Variants in HECTD4 observed in about 807,000 individuals in gnomAD.
HECTD4 encodes HECT domain E3 ubiquitin protein ligase 4.
Under a neutral mutation model 471.5 loss-of-function variants are expected in HECTD4, and 114 were observed. The observed-to-expected ratio is 0.24, with a 90% CI of 0.21 to 0.28. The LOEUF (loss-of-function observed/expected upper bound fraction) is 0.28, where lower values mean the gene tolerates loss of function less well. Among genes scored for constraint, HECTD4 ranks in the 10% least tolerant of loss-of-function variants. HECTD4 has a pLI of 1.00. For missense variants in HECTD4, 3,866 were observed against 5,651.5 expected, an observed-to-expected ratio of 0.68 and a Z score of 10.13; for synonymous variants, 2,012 against 2,256.0, an observed-to-expected ratio of 0.89 and a Z score of 3.07.
intron 45 of HECTD4, 32 bp from the exon 46 acceptor site, chr12:112,217,227 GA>G: frequency 6.8e-7 from 1 of 1,469,840 alleles, no homozygotes; most frequent in Non-Finnish European, 9.0e-7. Context: ...ATATTCAGTA[GA>G]ACTGCAAACA....
Position 112,274,859 on chromosome 12 carries a change from C to CGAG in HECTD4, c.1786_1788dup (p.Leu596dup). The CGAG allele has an allele frequency of 1.9e-6, 3 of 1,545,596 alleles. No individual in the cohort carries two copies. Among genetic ancestry groups the CGAG allele is most frequent in the Non-Finnish European group, 2.6e-6 (3 of 1,142,584 alleles). ...GTTTATTTCTTACCCAATCCTGGTA[C>CGAG]GAGAGCACCACGCCCCAGTGAGCTT... On this transcript the variant is annotated inframe_insertion, in exon 10 of 76. Coordinates refer to ENST00000682272, the MANE Select transcript of HECTD4 (RefSeq NM_001388303.1).
intron 44 of HECTD4, 106 bp from the exon 45 acceptor site, chr12:112,219,595 T>A: frequency 1.0e-5 from 7 of 678,506 alleles, no homozygotes; most frequent in Non-Finnish European, 1.7e-5. Context: ...CTTATAGAGC[T>A]CATTGAATTT....
chr12:112,175,880 T>A (rs1368496156), intron 65 of HECTD4, 21 bp from the exon 66 acceptor site: 6 of 1,612,346 alleles, frequency 3.7e-6, no homozygotes, highest in Admixed American at 1.7e-5. Context: ...GGGTTCAGTG[T>A]GAGGAATCTG....
Position 112,162,323 on chromosome 12 carries a change from G to A in HECTD4, c.*64C>T. On this transcript the variant is annotated 3_prime_UTR_variant, in exon 76 of 76. Coordinates refer to ENST00000682272, the MANE Select transcript of HECTD4 (RefSeq NM_001388303.1). This position sits in a 1 kb window ranked among gnomAD's most constrained non-coding sequence, Gnocchi z 5.2. ...GGGCCCTGGAGGGACGGGCCGCAGT[G>A]GTGGCTTCCCAAGCCAGCAGAGTGG... 1 of 1,604,592 alleles carries A rather than the reference G, an allele frequency of 6.2e-7. No homozygotes were observed. Among genetic ancestry groups the A allele is most frequent in the South Asian group, 1.1e-5 (1 of 90,584 alleles).
chr12:112,227,826 T>C (rs1248197369), intron 43 of HECTD4, among the ~76,000 whole-genome samples: 2 of 152,152 alleles, frequency 1.3e-5, no homozygotes, highest in Non-Finnish European at 1.5e-5. Context: ...GCCTTATGTA[T>C]GTGTTTCATA....
At chr12:112,232,548 C>T (rs1239001267) in intron 38 of HECTD4, among the ~76,000 whole-genome samples, 1 of 152,140 alleles carries the variant, frequency 6.6e-6, no homozygotes, top group Non-Finnish European at 1.5e-5. Flanking sequence ...TCTTTCTTGA[C>T]TTGTCTGACA....
In HECTD4 at chr12:112,228,360, G is replaced by C. The variant is rs997341436; in HGVS notation, c.6685-102C>G. On this transcript the variant is annotated intron_variant, in intron 42 of 75. Coordinates refer to ENST00000682272, the MANE Select transcript of HECTD4 (RefSeq NM_001388303.1). This position sits in a 1 kb window ranked among gnomAD's most constrained non-coding sequence, Gnocchi z 4.9. ...TCTGGAGTTAATTCTTAAATTTTCAGTTAAAAAAATAAAATCACCATACAG... is the reference window on the plus strand; with the variant it reads ...TCTGGAGTTAATTCTTAAATTTTCACTTAAAAAAATAAAATCACCATACAG... The C allele has an allele frequency of 8.1e-7, 1 of 1,241,222 alleles. No individual in the cohort carries two copies. The highest frequency in any genetic ancestry group is 1.1e-6 in the Non-Finnish European group (1 of 944,882). 76.9% of individuals were successfully genotyped at this position (1,241,222 alleles called of 1,614,324 possible).
At chr12:112,351,227 T>C (rs1248055662) in intron 1 of HECTD4, among the ~76,000 whole-genome samples, 4 of 152,204 alleles carry the variant, frequency 2.6e-5, no homozygotes, top group Non-Finnish European at 1.5e-5. Context: ...TTCAAATCTC[T>C]TGCTTCCAAA....
intron 1 of HECTD4, among the ~76,000 whole-genome samples, chr12:112,323,332 AAAC>A (rs1297804111): frequency 1.3e-5 from 2 of 152,224 alleles, no homozygotes; most frequent in African/African-American, 4.8e-5. Context: ...TGTGAAAACA[AAAC>A]AACAAATTCC....
intron 19 of HECTD4, 38 bp from the exon 20 acceptor site, chr12:112,258,634 C>T: frequency 6.5e-7 from 1 of 1,528,490 alleles, no homozygotes; most frequent in Non-Finnish European, 8.9e-7. Flanking sequence ...TCCAGGGCTA[C>T]TGTCAGTTAT....
In HECTD4 at chr12:112,319,248, G is replaced by A; in HGVS notation, c.672C>T (p.Ala224=). 1 of 1,536,112 alleles carries A rather than the reference G, an allele frequency of 6.5e-7. No homozygotes were observed. The highest frequency in any genetic ancestry group is 8.7e-7 in the Non-Finnish European group (1 of 1,146,890). The change falls in exon 2 of 76, where the codon GCC becomes GCT. Residue 224 remains alanine, a synonymous_variant. Coordinates refer to ENST00000682272, the MANE Select transcript of HECTD4 (RefSeq NM_001388303.1). This position sits in a 1 kb window ranked among gnomAD's most constrained non-coding sequence, Gnocchi z 5.3. ...ACCTGGCACAAGCCAAAGCCACCAG[G>A]GCAGCAGCAGCATTTTCTTTTTGCT... ...PHKQKENAAA[A]LVALACARGS...
chr12:112,350,861 G>C (rs1235255319), intron 1 of HECTD4, among the ~76,000 whole-genome samples: 1 of 152,180 alleles, frequency 6.6e-6, no homozygotes, highest in Non-Finnish European at 1.5e-5. Flanking sequence ...GACAGGGCTA[G>C]GTCAACTCTT....
intron 7 of HECTD4, among the ~76,000 whole-genome samples, chr12:112,295,234 G>A (rs1396019080): frequency 6.6e-6 from 1 of 152,054 alleles, no homozygotes; most frequent in African/African-American, 2.4e-5. Context: ...TAAATGAGCA[G>A]TAAGAAGAAA....
At position 112,184,970 on chromosome 12, in the gene HECTD4, G is replaced by A; in HGVS notation, c.9996C>T (p.Arg3332=). The A allele has an allele frequency of 1.2e-6, 2 of 1,613,530 alleles. No homozygotes were observed. The highest frequency in any genetic ancestry group is 8.5e-7 in the Non-Finnish European group (1 of 1,179,770). ...ASSSGKRQSS[R]TVDSDPTVLS... is the part of the protein sequence containing the mutation. ...GCACGGTGGGGTCCGAGTCCACGGTGCGGGAAGACTGGCGCTTGCCCGACG... is the reference window on the plus strand; with the variant it reads ...GCACGGTGGGGTCCGAGTCCACGGTACGGGAAGACTGGCGCTTGCCCGACG... Residue 3332 remains arginine (R), a synonymous_variant, in exon 61 of 76, where the codon CGC becomes CGT. Transcript: ENST00000682272. This position sits in a 1 kb window ranked among gnomAD's most constrained non-coding sequence, Gnocchi z 9.1.
intron 62 of HECTD4, among the ~76,000 whole-genome samples, chr12:112,181,336 T>A (rs926645861): frequency 5.3e-5 from 8 of 152,146 alleles, no homozygotes; most frequent in Non-Finnish European, 4.4e-5. Flanking sequence ...ATTTTGACTT[T>A]AAAAAAACTA....
intron 7 of HECTD4, among the ~76,000 whole-genome samples, chr12:112,296,214 G>A (rs2035008940): frequency 7.3e-6 from 1 of 137,738 alleles, no homozygotes; most frequent in African/African-American, 2.7e-5. Flanking sequence ...GGTGCAGACA[G>A]TGGTAGGTGC....
intron 1 of HECTD4, among the ~76,000 whole-genome samples, chr12:112,325,054 T>C (rs2035713507): frequency 6.6e-6 from 1 of 152,162 alleles, no homozygotes; most frequent in Non-Finnish European, 1.5e-5. Flanking sequence ...ATTTTTATTA[T>C]TAAACATGAG....
rs1349747105 is a variant in HECTD4 at position 112,188,214 on chromosome 12, A to C, written c.9472+2572T>G. ...TGGGGCAGGAGAATCACTTGAACCC[A>C]GGAGGTGGAAGTTGCAGTGAGCTGA... On this transcript the variant is annotated intron_variant, in intron 60 of 75. Coordinates refer to ENST00000682272, the MANE Select transcript of HECTD4 (RefSeq NM_001388303.1). This position sits in a 1 kb window ranked among gnomAD's most constrained non-coding sequence, Gnocchi z 4.2. 6.6e-6 allele frequency among the ~76,000 whole-genome samples: 1 copy of C among 152,172 alleles called. No individual in the cohort carries two copies. The highest frequency in any genetic ancestry group is 1.5e-5 in the Non-Finnish European group (1 of 68,018).
At chr12:112,309,881 TCAGA>T (rs2035339147) in intron 4 of HECTD4, among the ~76,000 whole-genome samples, 2 of 152,172 alleles carry the variant, frequency 1.3e-5, no homozygotes, top group Non-Finnish European at 2.9e-5. Flanking sequence ...CAAGATATGG[TCAGA>T]CAGTTACCAG....
Sources: gnomAD v4.1 joint callset for allele counts (sites outside exome capture counted in the v4.1 genomes callset) on GRCh38, gnomAD v4.1.1 for gene constraint, Gnocchi (gnomAD v3.1) non-coding constraint, MANE v1.5 for transcripts, NCBI Gene and HGNC (gene_info 2026-07-23, HGNC 2026-07-21) for gene names.